Variants in ERVMER34-1 observed in about 807,000 individuals in gnomAD.
The protein encoded by ERVMER34-1 is endogenous retroviral envelope protein HEMO.
For synonymous variants in ERVMER34-1, 199 were observed against 111.7 expected, an observed-to-expected ratio of 1.78 and a Z score of -4.93; for missense variants, 471 against 295.1, an observed-to-expected ratio of 1.60 and a Z score of -4.37.
intron 2 of ERVMER34-1, among the ~76,000 whole-genome samples, chr4:52,749,984 G>C (rs1455264315): frequency 6.6e-6 from 1 of 152,020 alleles, no homozygotes; most frequent in Non-Finnish European, 1.5e-5. Context: ...ATGATGATTT[G>C]AGACGGAATT....
At position 52,745,785 on chromosome 4, in the gene ERVMER34-1, A is replaced by G. The variant is rs185343088; in HGVS notation, c.-265T>C. 5.2e-4 allele frequency: 243 copies of G among 465,928 alleles called. No homozygotes were observed. Among genetic ancestry groups the G allele is most frequent in the Non-Finnish European group, 8.0e-4 (210 of 261,324 alleles). 28.9% of individuals were successfully genotyped at this position (465,928 alleles called of 1,614,324 possible). On this transcript the variant is annotated 5_prime_UTR_variant, in exon 3 of 3. Coordinates refer to ENST00000443173, the MANE Select transcript of ERVMER34-1 (RefSeq NM_001242690.2). ...ATAGCCTTGGCCTTCCAGTTGTCAT[A>G]TAATGATCTCAATCTAGCTTCCTGT...
Position 52,743,835 on chromosome 4 carries a change from T to C in ERVMER34-1, c.1686A>G (p.Leu562=), listed in dbSNP as rs556955728. The C allele has an allele frequency of 5.5e-5, 81 of 1,485,100 alleles. No individual in the cohort carries two copies. The South Asian group carries it at 1.0e-3, about 19-fold the overall frequency. The allele number at this position is 1,485,100 out of a possible 1,614,324, so 92.0% of individuals were successfully genotyped here. The change falls in exon 3 of 3, where the codon CTA becomes CTG. Residue 562 remains leucine (L), a synonymous_variant. Coordinates refer to ENST00000443173, the MANE Select transcript of ERVMER34-1 (RefSeq NM_001242690.2). ...GCTGTTTGTTCAGATATTCTCAAAG[T>C]AGACTTGTGTCATATTGATGGGTTG... ...GLTTHQYDTS[L]L
intron 2 of ERVMER34-1, among the ~76,000 whole-genome samples, chr4:52,747,558 A>G (rs1005292602): frequency 6.6e-6 from 1 of 152,144 alleles, no homozygotes; most frequent in African/African-American, 2.4e-5. Flanking sequence ...AGGTTAACAT[A>G]TACATCCCTG....
intron 2 of ERVMER34-1, among the ~76,000 whole-genome samples, chr4:52,749,459 T>G (rs1458389864): frequency 5.9e-5 from 9 of 152,026 alleles, no homozygotes; most frequent in Admixed American, 5.9e-4. Context: ...GTCACAGAGT[T>G]GGCTTCTAAA....
chr4:52,750,291 GCCCTAC>G (rs907429239), intron 2 of ERVMER34-1, among the ~76,000 whole-genome samples: 225 of 152,172 alleles, frequency 1.5e-3, no homozygotes, highest in African/African-American at 5.2e-3. Context: ...GAGCCACTGC[GCCCTAC>G]CCCCCCATAG....
chr4:52,745,267 G>C lies in ERVMER34-1; in HGVS notation c.254C>G (p.Ala85Gly). ...WMYERVWYPQ[A>G]EVQNHSTSSY... is the part of the protein sequence containing the mutation. ...GGAAGTAGAGTGATTCTGTACTTCT[G>C]CTTGTGGATACCACACCCTTTCATA... The change falls in exon 3 of 3, where the codon GCA becomes GGA. Residue 85 changes from alanine (A) to glycine (G), a missense_variant. By Grantham distance (60) the Ala-to-Gly change is moderately conservative. Coordinates refer to ENST00000443173, the MANE Select transcript of ERVMER34-1 (RefSeq NM_001242690.2). 1 of 703,952 alleles carries C rather than the reference G, an allele frequency of 1.4e-6. No homozygotes were observed. The highest frequency in any genetic ancestry group is 1.5e-5 in the South Asian group (1 of 67,592). The allele number at this position is 703,952 out of a possible 1,614,324, so 43.6% of individuals were successfully genotyped here.
chr4:52,745,500 A>G lies in ERVMER34-1; in HGVS notation c.21T>C (p.Tyr7=). The change falls in exon 3 of 3, where the codon TAT becomes TAC. Residue 7 remains tyrosine (Y), a synonymous_variant. Transcript: ENST00000443173. The stretch of plus-strand genomic sequence containing the variant: ...CAGTAAGGGTTAGTTGAAGCAGGGC[A>G]TAGTTTGAAAGGGAGCCCATAGTGG... The part of the protein sequence containing the change: MGSLSN[Y]ALLQLTLTAF... The G allele has an allele frequency of 1.4e-6, 1 of 704,054 alleles. No homozygotes were observed. Among genetic ancestry groups the G allele is most frequent in the Non-Finnish European group, 2.6e-6 (1 of 384,934 alleles). The allele number at this position is 704,054 out of a possible 1,614,324, so 43.6% of individuals were successfully genotyped here.
At position 52,742,676 on chromosome 4, in the gene ERVMER34-1, T is replaced by C. The variant is rs1420514199; in HGVS notation, c.*1153A>G. ...GCTCACACCTATAATCCTAGGACTT[T>C]GGGAGGTTGAGGTGGGCGGGTCATG... On this transcript the variant is annotated 3_prime_UTR_variant, in exon 3 of 3. Coordinates refer to ENST00000443173, the MANE Select transcript of ERVMER34-1 (RefSeq NM_001242690.2). 1 of 151,960 alleles carries C rather than the reference T, an allele frequency of 6.6e-6. No individual in the cohort carries two copies. The highest frequency in any genetic ancestry group is 1.5e-5 in the Non-Finnish European group (1 of 68,024). 9.4% of individuals were successfully genotyped at this position (151,960 alleles called of 1,614,324 possible). A position where few individuals can be genotyped will look rare whatever the true frequency, so the allele number is the denominator to read the frequency against.
chr4:52,750,551 G>C (rs1433339938), intron 2 of ERVMER34-1, among the ~76,000 whole-genome samples: 1 of 152,008 alleles, frequency 6.6e-6, no homozygotes, highest in East Asian at 1.9e-4. Flanking sequence ...GTTCATTGTC[G>C]GGCAAATGCC....
At position 52,744,397 on chromosome 4, in the gene ERVMER34-1, A is replaced by G; in HGVS notation, c.1124T>C (p.Leu375Pro). Residue 375 changes from leucine to proline, a missense_variant, in exon 3 of 3, where the codon CTT becomes CCT. Physicochemically the swap from Leu to Pro is moderately conservative, Grantham distance 98. Coordinates refer to ENST00000443173, the MANE Select transcript of ERVMER34-1 (RefSeq NM_001242690.2). ...ATCATAAGTTCCCAAACTTGGAAAA[A>G]GGGCCCTTATTGTTGAATTGTCCTT... ...NPKDNSTIRA[L>P]FPSLGTYDLE... 1 of 704,098 alleles carries G rather than the reference A, an allele frequency of 1.4e-6. No homozygotes were observed. The highest frequency in any genetic ancestry group is 2.7e-5 in the East Asian group (1 of 37,288). 43.6% of individuals were successfully genotyped at this position (704,098 alleles called of 1,614,324 possible). A position where few individuals can be genotyped will look rare whatever the true frequency, so the allele number is the denominator to read the frequency against.
At chr4:52,748,171 GA>G in intron 2 of ERVMER34-1, 1 of 244,752 alleles carries the variant, frequency 4.1e-6, no homozygotes, top group Non-Finnish European at 8.0e-6. Flanking sequence ...GCATTAAGCA[GA>G]AGGGTTAAGT....
chr4:52,749,712 C>T (rs970269891), intron 2 of ERVMER34-1, among the ~76,000 whole-genome samples: 1 of 152,060 alleles, frequency 6.6e-6, no homozygotes, highest in African/African-American at 2.4e-5. Context: ...TCACTTGAAC[C>T]CAGGAGGTGG....
Position 52,745,531 on chromosome 4 carries a change from C to A in ERVMER34-1, c.-11G>T, listed in dbSNP as rs1189256664. On this transcript the variant is annotated 5_prime_UTR_variant, in exon 3 of 3. Transcript: ENST00000443173. Reference sequence around the variant, plus strand: ...TGAAAGGGAGCCCATAGTGGAGGAACAGGCTAGATTAAAACAAGCAAACTC... The same window carrying A: ...TGAAAGGGAGCCCATAGTGGAGGAAAAGGCTAGATTAAAACAAGCAAACTC... 2.9e-6 allele frequency: 2 copies of A among 701,352 alleles called. No individual in the cohort carries two copies. The highest frequency in any genetic ancestry group is 5.2e-6 in the Non-Finnish European group (2 of 383,244). The allele number at this position is 701,352 out of a possible 1,614,324, so 43.4% of individuals were successfully genotyped here. A position where few individuals can be genotyped will look rare whatever the true frequency, so the allele number is the denominator to read the frequency against.
At chr4:52,746,876 C>T (rs1432185513) in intron 2 of ERVMER34-1, among the ~76,000 whole-genome samples, 1 of 152,146 alleles carries the variant, frequency 6.6e-6, no homozygotes, top group Non-Finnish European at 1.5e-5. Flanking sequence ...CCTATTCACA[C>T]ATATGTAAAT....
chr4:52,745,352 C>T lies in ERVMER34-1; in HGVS notation c.169G>A (p.Glu57Lys), dbSNP rs377188202. ...GCACTGGCAGGAACAAAAACTAGTTCGGGTTGTTCTGCATTATCTAGATGT... is the reference window on the plus strand; with the variant it reads ...GCACTGGCAGGAACAAAAACTAGTTTGGGTTGTTCTGCATTATCTAGATGT... ...CEHLDNAEQP[E>K]LVFVPASAST... The change falls in exon 3 of 3, where the codon GAA becomes AAA. Residue 57 changes from glutamate to lysine, a missense_variant. Coordinates refer to ENST00000443173, the MANE Select transcript of ERVMER34-1 (RefSeq NM_001242690.2). 4.7e-5 allele frequency: 33 copies of T among 703,922 alleles called. No homozygotes were observed. The highest frequency in any genetic ancestry group is 5.9e-5 in the South Asian group (4 of 67,598). The allele number at this position is 703,922 out of a possible 1,614,324, so 43.6% of individuals were successfully genotyped here. A position where few individuals can be genotyped will look rare whatever the true frequency, so the allele number is the denominator to read the frequency against.
Position 52,744,451 on chromosome 4 carries a change from G to C in ERVMER34-1, c.1070C>G (p.Thr357Arg), listed in dbSNP as rs1382645855. The change falls in exon 3 of 3, where the codon ACA becomes AGA. Residue 357 changes from threonine (T) to arginine (R), a missense_variant. Thr to Arg is a moderately conservative substitution (Grantham distance 71). Coordinates refer to ENST00000443173, the MANE Select transcript of ERVMER34-1 (RefSeq NM_001242690.2). ...VTPHRCTQGD[T>R]DNPPLYCNPK... ...GTTGCAATACAGAGGTGGATTGTCT[G>C]TGTCTCCTTGGGTGCATCTATGCGG... is the stretch of plus-strand genomic sequence containing the variant. The C allele has an allele frequency of 2.8e-6, 2 of 704,126 alleles. No homozygotes were observed. Among genetic ancestry groups the C allele is most frequent in the East Asian group, 2.7e-5 (1 of 37,284 alleles). The allele number at this position is 704,126 out of a possible 1,614,324, so 43.6% of individuals were successfully genotyped here.
chr4:52,743,834 G>A lies in ERVMER34-1; in HGVS notation c.1687C>T (p.Leu563Phe). 6.7e-7 allele frequency: 1 copy of A among 1,484,442 alleles called. No individual in the cohort carries two copies. Among genetic ancestry groups the A allele is most frequent in the African/African-American group, 1.4e-5 (1 of 70,872 alleles). The allele number at this position is 1,484,442 out of a possible 1,614,324, so 92.0% of individuals were successfully genotyped here. A position where few individuals can be genotyped will look rare whatever the true frequency, so the allele number is the denominator to read the frequency against. The change falls in exon 3 of 3, where the codon CTT (leucine) becomes TTT (phenylalanine). Residue 563 changes from leucine to phenylalanine, a missense_variant. Transcript: ENST00000443173. Reference sequence around the variant, plus strand: ...TGCTGTTTGTTCAGATATTCTCAAAGTAGACTTGTGTCATATTGATGGGTT... The same window carrying A: ...TGCTGTTTGTTCAGATATTCTCAAAATAGACTTGTGTCATATTGATGGGTT... ...LTTHQYDTSL[L>F]
rs1157177765 is a variant in ERVMER34-1 at position 52,744,610 on chromosome 4, C to G, written c.911G>C (p.Gly304Ala). ...NSGLFFLCGNGVYKGFPPKWS... is the reference protein window; with the variant it reads ...NSGLFFLCGNAVYKGFPPKWS... ...TTTAGGTGGAAACCCTTTGTACACC[C>G]CATTGCCGCACAAAAAAAAGAGGCC... is the stretch of plus-strand genomic sequence containing the variant. Residue 304 changes from glycine to alanine, a missense_variant, in exon 3 of 3, where the codon GGG becomes GCG. Gly to Ala is a moderately conservative substitution (Grantham distance 60). Transcript: ENST00000443173. The G allele has an allele frequency of 1.4e-6, 1 of 704,048 alleles. No homozygotes were observed. The highest frequency in any genetic ancestry group is 2.6e-6 in the Non-Finnish European group (1 of 384,988). 43.6% of individuals were successfully genotyped at this position (704,048 alleles called of 1,614,324 possible).
At position 52,745,169 on chromosome 4, in the gene ERVMER34-1, A is replaced by G; in HGVS notation, c.352T>C (p.Leu118=). 1.4e-6 allele frequency: 1 copy of G among 704,076 alleles called. No individual in the cohort carries two copies. Among genetic ancestry groups the G allele is most frequent in the Non-Finnish European group, 2.6e-6 (1 of 384,990 alleles). 43.6% of individuals were successfully genotyped at this position (704,076 alleles called of 1,614,324 possible). ...AQGLSFAQVR[L]LEGNFSLCVE... Reference sequence around the variant, plus strand: ...CAAAGAGAAAAATTTCCCTCCAATAACCTTACTTGAGCAAAGGATAGACCT... The same window carrying G: ...CAAAGAGAAAAATTTCCCTCCAATAGCCTTACTTGAGCAAAGGATAGACCT... The change falls in exon 3 of 3, where the codon TTA becomes CTA. Residue 118 remains leucine, a synonymous_variant. Coordinates refer to ENST00000443173, the MANE Select transcript of ERVMER34-1 (RefSeq NM_001242690.2).
Sources: gnomAD v4.1 joint callset for allele counts (sites outside exome capture counted in the v4.1 genomes callset) on GRCh38, gnomAD v4.1.1 for gene constraint, MANE v1.5 for transcripts, NCBI Gene and HGNC (gene_info 2026-07-23, HGNC 2026-07-21) for gene names.